Variants in BUB1B observed in about 807,000 individuals in gnomAD.
The protein encoded by BUB1B is BUB1 mitotic checkpoint serine/threonine kinase B.
In BUB1B, 86 loss-of-function variants were observed where a neutral mutation model predicts 137.7. The observed-to-expected ratio is 0.62, with a 90% CI of 0.52 to 0.75. The LOEUF is 0.75. Ranked by LOEUF, BUB1B falls within the 30% of genes least tolerant of loss-of-function variation. The pLI, the probability that BUB1B is intolerant of heterozygous loss-of-function variation, is 0.00. For synonymous variants in BUB1B, 420 were observed against 417.9 expected (o/e 1.00, Z -0.06); for missense variants, 1,130 against 1,236.9 (o/e 0.91, Z 1.30).
At chr15:40,178,837 A>G (rs1039256687) in intron 5 of BUB1B, among the ~76,000 whole-genome samples, 5 of 152,104 alleles carry the variant, frequency 3.3e-5, no homozygotes, top group African/African-American at 1.2e-4. Flanking sequence ...ATATTAGTAC[A>G]GCTATTCCAG....
At chr15:40,205,008 G>A (rs915985092) in intron 14 of BUB1B, among the ~76,000 whole-genome samples, 8 of 141,074 alleles carry the variant, frequency 5.7e-5, no homozygotes, top group Admixed American at 1.5e-4. Context: ...GTGAAGTGGC[G>A]TGATCTCGGC....
chr15:40,181,046 G>A (rs1215661279), intron 5 of BUB1B, among the ~76,000 whole-genome samples: 1 of 149,918 alleles, frequency 6.7e-6, no homozygotes, highest in East Asian at 2.0e-4. Context: ...ATTTTTTCTT[G>A]TTTAGTTTTG....
At chr15:40,185,418 A>G in intron 7 of BUB1B, 39 bp downstream of exon 7, 1 of 1,607,090 alleles carries the variant, frequency 6.2e-7, no homozygotes, top group Non-Finnish European at 8.5e-7. Context: ...TGACACAACA[A>G]AGACTTCACA....
chr15:40,216,571 A>ATATATAT (rs1457484634), intron 20 of BUB1B, among the ~76,000 whole-genome samples: 1 of 83,052 alleles, frequency 1.2e-5, no homozygotes, highest in African/African-American at 6.1e-5. Flanking sequence ...ATATATATAT[A>ATATATAT]TTTTTTTTTT....
At position 40,170,053 on chromosome 15, in the gene BUB1B, A is replaced by C; in HGVS notation, c.180-9A>C. 6.2e-7 allele frequency: 1 copy of C among 1,612,200 alleles called. No individual in the cohort carries two copies. The stretch of plus-strand genomic sequence containing the variant: ...TTGCATATGCTAACTTTTTCTGTTT[A>C]CATTTCAGGGCATTTGAATATGAAA... On this transcript the variant is annotated splice_polypyrimidine_tract_variant and intron_variant, in intron 2 of 22. Transcript: ENST00000287598.
chr15:40,179,390 G>A (rs1595515994), intron 5 of BUB1B, among the ~76,000 whole-genome samples: 1 of 152,036 alleles, frequency 6.6e-6, no homozygotes, highest in East Asian at 1.9e-4. Flanking sequence ...ACAGGTTTTT[G>A]TGTCATTTTC....
chr15:40,200,141 A>T, intron 10 of BUB1B, 103 bp from the exon 11 acceptor site: 2 of 793,240 alleles, frequency 2.5e-6, no homozygotes, highest in Non-Finnish European at 4.4e-6. Flanking sequence ...TTGTACTGTT[A>T]GTGGATGTCT....
In BUB1B at chr15:40,183,251, T is replaced by C. The variant is rs183883946; in HGVS notation, c.582-463T>C. 2.6e-5 allele frequency among the ~76,000 whole-genome samples: 4 copies of C among 152,332 alleles called. No individual in the cohort carries two copies. In the East Asian group the frequency reaches 5.8e-4, roughly 22 times the overall value. ...ATGTCATATGCAACTTCATTTCATA[T>C]AGGTCAGGAGAAACCGTATATGTGT... On this transcript the variant is annotated intron_variant, in intron 5 of 22. Coordinates refer to ENST00000287598, the MANE Select transcript of BUB1B (RefSeq NM_001211.6).
rs2037499540 is a variant in BUB1B, at chr15:40,196,530, A to C, written c.1059-15A>C. 6.3e-7 allele frequency: 1 copy of C among 1,597,790 alleles called. No individual in the cohort carries two copies. On this transcript the variant is annotated splice_polypyrimidine_tract_variant and intron_variant, in intron 8 of 22. Transcript: ENST00000287598. ...ATTTTGACCCATATGAATAATAGTA[A>C]TTTTGCTTCTTTAGGACACCATGTA...
intron 20 of BUB1B, among the ~76,000 whole-genome samples, chr15:40,215,551 C>T (rs1348405036): frequency 6.6e-6 from 1 of 152,010 alleles, no homozygotes. Context: ...GGGCGGATCA[C>T]GAGGTCAGGA....
chr15:40,171,826 C>G (rs1333480753), intron 4 of BUB1B, among the ~76,000 whole-genome samples: 1 of 152,040 alleles, frequency 6.6e-6, no homozygotes, highest in Non-Finnish European at 1.5e-5. Context: ...CCCAGCACTA[C>G]TTTGTACTGT....
At chr15:40,164,899 A>C (rs2037077381) in intron 1 of BUB1B, among the ~76,000 whole-genome samples, 154 bp from the exon 2 acceptor site, 1 of 152,118 alleles carries the variant, frequency 6.6e-6, no homozygotes, top group African/African-American at 2.4e-5. Flanking sequence ...CTAACAAAGA[A>C]GCTTAGGCAT....
chr15:40,171,931 T>A (rs73389520), intron 4 of BUB1B, among the ~76,000 whole-genome samples: 9,031 of 152,036 alleles, frequency 0.059, 890 homozygotes, highest in African/African-American at 0.21. Context: ...AAAATAAATT[T>A]AAAAAAATAA....
At chr15:40,175,612 C>T (rs1033042332) in intron 4 of BUB1B, among the ~76,000 whole-genome samples, 3 of 152,148 alleles carry the variant, frequency 2.0e-5, no homozygotes, top group Non-Finnish European at 4.4e-5. Flanking sequence ...CTCCCTCTTG[C>T]TAATAGAATT....
At chr15:40,187,227 G>T (rs538964828) in intron 8 of BUB1B, among the ~76,000 whole-genome samples, 210 of 151,854 alleles carry the variant, frequency 1.4e-3, no homozygotes, top group Non-Finnish European at 2.6e-3. Context: ...CCAGGTTCAC[G>T]CCATTCTCCT....
intron 20 of BUB1B, among the ~76,000 whole-genome samples, chr15:40,216,573 T>TATA (rs1566829837): frequency 2.4e-4 from 27 of 110,252 alleles, no homozygotes; most frequent in African/African-American, 1.1e-3. Context: ...ATATATATAT[T>TATA]TTTTTTTTTT....
chr15:40,188,797 G>T (rs1238190228), intron 8 of BUB1B, among the ~76,000 whole-genome samples: 1 of 151,882 alleles, frequency 6.6e-6, no homozygotes, highest in Non-Finnish European at 1.5e-5. Flanking sequence ...TGGCCAGGCT[G>T]GTCTCGAACT....
At chr15:40,172,830 G>T (rs1422536662) in intron 4 of BUB1B, among the ~76,000 whole-genome samples, 3 of 152,194 alleles carry the variant, frequency 2.0e-5, no homozygotes, top group Non-Finnish European at 4.4e-5. Flanking sequence ...TTACCCTATG[G>T]ATATTAGTTA....
rs1222026369 is a variant in BUB1B at position 40,220,613 on chromosome 15, G to A, written c.3007G>A (p.Ala1003Thr). The change falls in exon 23 of 23, where the codon GCC (alanine) becomes ACC (threonine). Residue 1003 changes from alanine to threonine, a missense_variant. Physicochemically the swap from Ala to Thr is moderately conservative, Grantham distance 58. Coordinates refer to ENST00000287598, the MANE Select transcript of BUB1B (RefSeq NM_001211.6). ...WNKFFVRILN[A>T]NDEATVSVLG... is the part of the protein sequence containing the mutation. Reference sequence around the variant, plus strand: ...TAAATTCTTTGTGCGGATTCTGAATGCCAATGATGAGGCCACAGTGTCTGT... The same window carrying A: ...TAAATTCTTTGTGCGGATTCTGAATACCAATGATGAGGCCACAGTGTCTGT... 6.2e-7 allele frequency: 1 copy of A among 1,614,106 alleles called. No individual in the cohort carries two copies. The highest frequency in any genetic ancestry group is 1.7e-5 in the Admixed American group (1 of 60,002).
Sources: allele counts gnomAD v4.1 joint callset (sites outside exome capture counted in the v4.1 genomes callset), GRCh38; gene constraint gnomAD v4.1.1; transcripts MANE v1.5; gene names NCBI Gene and HGNC (gene_info 2026-07-23, HGNC 2026-07-21).